The following RNF121 variants were observed in gnomAD, a reference collection of about 807,000 sequenced individuals.
RNF121 encodes the protein E3 ubiquitin ligase RNF121.
RNF121 carries 21 observed loss-of-function variants against 46.5 expected under a neutral mutation model. That is an observed-to-expected ratio of 0.45 (90% confidence interval 0.32 to 0.65). The LOEUF (loss-of-function observed/expected upper bound fraction) is 0.65. Ranked by LOEUF, RNF121 falls within the 30% of genes least tolerant of loss-of-function variation. The probability of loss-of-function intolerance (pLI) is 0.04; values close to 1 mark genes in which losing one functional copy is unlikely to be tolerated. For missense variants in RNF121, 346 were observed against 416.0 expected, an observed-to-expected ratio of 0.83 and a Z score of 1.46; for synonymous variants, 139 against 144.7, an observed-to-expected ratio of 0.96 and a Z score of 0.28.
At chr11:71,957,505 T>C (rs1352360428) in intron 2 of RNF121, among the ~76,000 whole-genome samples, 1 of 152,226 alleles carries the variant, frequency 6.6e-6, no homozygotes, top group Non-Finnish European at 1.5e-5. Flanking sequence ...ATTTACTAGC[T>C]GTGTGATTTT....
chr11:71,985,355 A>G (rs1433429538), intron 4 of RNF121, among the ~76,000 whole-genome samples: 2 of 152,096 alleles, frequency 1.3e-5, no homozygotes, highest in Non-Finnish European at 2.9e-5. Flanking sequence ...TACAAAGAAA[A>G]TCACCTCTCT....
intron 2 of RNF121, 140 bp downstream of exon 2, chr11:71,957,404 C>G (rs1011724303): frequency 1.4e-6 from 1 of 714,372 alleles, no homozygotes; most frequent in Non-Finnish European, 2.6e-6. Context: ...TTTGGGATCT[C>G]TCTAAGTATC....
At chr11:71,954,824 T>G in intron 1 of RNF121, among the ~76,000 whole-genome samples, 1 of 152,204 alleles carries the variant, frequency 6.6e-6, no homozygotes, top group Non-Finnish European at 1.5e-5. Flanking sequence ...TCCCTGATGC[T>G]TATTAGTTAT....
At chr11:71,947,071 G>A (rs1329183864) in intron 1 of RNF121, among the ~76,000 whole-genome samples, 2 of 151,860 alleles carry the variant, frequency 1.3e-5, no homozygotes, top group Non-Finnish European at 2.9e-5. Flanking sequence ...TCACCATGTT[G>A]CCCATGTGGT....
At chr11:71,961,758 G>A (rs1954139277) in intron 3 of RNF121, among the ~76,000 whole-genome samples, 1 of 152,082 alleles carries the variant, frequency 6.6e-6, no homozygotes, top group Non-Finnish European at 1.5e-5. Flanking sequence ...TCGATATGCT[G>A]TCTATAGTAA....
intron 3 of RNF121, among the ~76,000 whole-genome samples, chr11:71,963,575 G>A (rs1392988468): frequency 3.9e-5 from 6 of 152,014 alleles, no homozygotes; most frequent in East Asian, 1.9e-4. Context: ...AGCCAAGATC[G>A]CACCACTGCA....
At chr11:71,945,022 C>A (rs1476092607) in intron 1 of RNF121, among the ~76,000 whole-genome samples, 5 of 151,660 alleles carry the variant, frequency 3.3e-5, no homozygotes, top group African/African-American at 1.2e-4. Context: ...ACAGGGTCTT[C>A]TGTCACCCAG....
chr11:71,986,533 T>C (rs765912998), intron 4 of RNF121, among the ~76,000 whole-genome samples: 2 of 152,036 alleles, frequency 1.3e-5, no homozygotes, highest in Non-Finnish European at 2.9e-5. Flanking sequence ...TTTGGGAGGC[T>C]GAGGCGAGTG....
intron 3 of RNF121, among the ~76,000 whole-genome samples, chr11:71,968,394 A>G (rs1163674300): frequency 3.3e-5 from 5 of 152,028 alleles, no homozygotes; most frequent in African/African-American, 4.8e-5. Context: ...TAAGTACTCT[A>G]TTGTTTGCTA....
intron 1 of RNF121, 120 bp downstream of exon 1, chr11:71,929,244 C>G: frequency 2.8e-6 from 4 of 1,439,662 alleles, no homozygotes; most frequent in South Asian, 2.9e-5. Context: ...AAGGAGCTGA[C>G]TAGGGGGCGG....
Position 71,960,825 on chromosome 11 carries a change from C to G in RNF121, c.177C>G (p.Ile59Met). Residue 59 changes from isoleucine (I) to methionine (M), a missense_variant, in exon 3 of 9, where the codon ATC becomes ATG. Coordinates refer to ENST00000361756, the MANE Select transcript of RNF121 (RefSeq NM_018320.5). ...ATGCTGAAATGGTCCTCATCCTCAT[C>G]GCAACCTTGGTGGTGGCCCAGCTGC... ...AMHAEMVLIL[I>M]ATLVVAQLLL... 1 of 1,614,182 alleles carries G rather than the reference C, an allele frequency of 6.2e-7. No individual in the cohort carries two copies. The highest frequency in any genetic ancestry group is 8.5e-7 in the Non-Finnish European group (1 of 1,180,030).
intron 3 of RNF121, chr11:71,962,382 C>A: frequency 1.4e-6 from 1 of 740,042 alleles, no homozygotes; most frequent in Non-Finnish European, 1.7e-6. Flanking sequence ...TAAGGAAAAA[C>A]TCAATCTGGG....
chr11:71,977,659 T>C (rs1954555749), intron 3 of RNF121, among the ~76,000 whole-genome samples: 2 of 152,360 alleles, frequency 1.3e-5, no homozygotes, highest in Middle Eastern at 6.8e-3. Context: ...GAAGGATGAA[T>C]GGCTTTTGTG....
chr11:71,936,538 T>C (rs548963163), intron 1 of RNF121, among the ~76,000 whole-genome samples: 4 of 152,168 alleles, frequency 2.6e-5, no homozygotes, highest in South Asian at 2.1e-4. Flanking sequence ...TACAGGTGCC[T>C]GCCACCACGC....
In RNF121 at chr11:71,940,971, G is replaced by A. The variant is rs552354753; in HGVS notation, c.63+11847G>A. ...GCAAGGCTTGGAGACGTTAAACAGC[G>A]TGGAATATTCTGGGACTGTACGCAG... On this transcript the variant is annotated intron_variant, in intron 1 of 8. Transcript: ENST00000361756. Among the ~76,000 whole-genome samples the A allele has an allele frequency of 8.5e-5, 13 of 152,376 alleles. 1 individual carries two copies. In the East Asian group the frequency reaches 1.9e-3, roughly 23 times the overall value.
intron 1 of RNF121, among the ~76,000 whole-genome samples, chr11:71,930,863 G>A (rs943576565): frequency 5.3e-5 from 8 of 152,056 alleles, no homozygotes; most frequent in African/African-American, 1.7e-4. Flanking sequence ...ATGGAGTTTC[G>A]CTCTTATTGC....
chr11:71,960,184 A>G (rs80033501), intron 2 of RNF121, among the ~76,000 whole-genome samples: 192 of 152,322 alleles, frequency 1.3e-3, no homozygotes, highest in Non-Finnish European at 2.5e-3. Flanking sequence ...CTGTTGGATT[A>G]GTATAAAGTT....
At position 71,930,137 on chromosome 11, in the gene RNF121, G is replaced by A. The variant is rs950275332; in HGVS notation, c.63+1013G>A. 3.3e-5 allele frequency among the ~76,000 whole-genome samples: 5 copies of A among 152,200 alleles called. No homozygotes were observed. In the South Asian group the frequency reaches 1.0e-3, roughly 32 times the overall value. On this transcript the variant is annotated intron_variant, in intron 1 of 8. Transcript: ENST00000361756. The stretch of plus-strand genomic sequence containing the variant: ...ACAGGGCAGAGAAGCAGAGACAGAG[G>A]TGAAAAGATTCTGAAGCCATGGAGA...
At chr11:71,976,799 C>T (rs746917494) in intron 3 of RNF121, among the ~76,000 whole-genome samples, 1 of 152,148 alleles carries the variant, frequency 6.6e-6, no homozygotes, top group Non-Finnish European at 1.5e-5. Flanking sequence ...CCATTCCTTC[C>T]CCATTCTATA....
Sources: gnomAD v4.1 joint callset for allele counts (sites outside exome capture counted in the v4.1 genomes callset) on GRCh38, gnomAD v4.1.1 for gene constraint, MANE v1.5 for transcripts, NCBI Gene and HGNC (gene_info 2026-07-23, HGNC 2026-07-21) for gene names.